Variants in SNTB1 observed in about 807,000 individuals in gnomAD.
SNTB1 encodes the protein beta-1-syntrophin.
A neutral mutation model predicts 48.9 loss-of-function variants in SNTB1; 36 were observed. The ratio of observed to expected loss-of-function variants is 0.74; its 90% CI spans 0.56 to 0.97. The LOEUF is 0.97. Ranked by LOEUF, SNTB1 falls within the 50% of genes least tolerant of loss-of-function variation. The probability of loss-of-function intolerance (pLI) is 0.00; values close to 1 mark genes in which losing one functional copy is unlikely to be tolerated. For missense variants in SNTB1, 786 were observed against 703.4 expected, an observed-to-expected ratio of 1.12 and a Z score of -1.33; for synonymous variants, 299 against 294.6, an observed-to-expected ratio of 1.01 and a Z score of -0.15.
At chr8:120,708,112 A>C (rs2129909907) in intron 1 of SNTB1, among the ~76,000 whole-genome samples, 1 of 151,892 alleles carries the variant, frequency 6.6e-6, no homozygotes, top group Admixed American at 6.5e-5. Flanking sequence ...ATATATTAAA[A>C]TAATAAATAA....
chr8:120,586,744 C>T (rs1438470257), intron 3 of SNTB1, among the ~76,000 whole-genome samples: 2 of 151,936 alleles, frequency 1.3e-5, no homozygotes, highest in Non-Finnish European at 2.9e-5. Flanking sequence ...CAGTTGGCAA[C>T]GAGTTTAAGT....
At chr8:120,606,680 G>T (rs2130725741) in intron 3 of SNTB1, among the ~76,000 whole-genome samples, 1 of 152,252 alleles carries the variant, frequency 6.6e-6, no homozygotes, top group Non-Finnish European at 1.5e-5. Flanking sequence ...TGAGCAAGTT[G>T]GTTTTGGTCT....
At chr8:120,553,740 T>C (rs1362071186) in intron 4 of SNTB1, among the ~76,000 whole-genome samples, 2 of 152,234 alleles carry the variant, frequency 1.3e-5, no homozygotes, top group African/African-American at 2.4e-5. Context: ...GGCTGAAGCA[T>C]GTAATCTCAG....
intron 2 of SNTB1, among the ~76,000 whole-genome samples, chr8:120,671,264 T>A (rs1817753261): frequency 6.6e-6 from 1 of 152,212 alleles, no homozygotes; most frequent in South Asian, 2.1e-4. Flanking sequence ...TAGTGTCCTC[T>A]CAAAGTTCAT....
intron 1 of SNTB1, among the ~76,000 whole-genome samples, chr8:120,771,288 T>A (rs1665245683): frequency 6.6e-6 from 1 of 152,216 alleles, no homozygotes; most frequent in South Asian, 2.1e-4. Context: ...ATTTATAAAA[T>A]GGAAGAAAAT....
intron 1 of SNTB1, among the ~76,000 whole-genome samples, chr8:120,755,048 TG>T (rs1381646518): frequency 2.6e-5 from 4 of 152,130 alleles, no homozygotes; most frequent in African/African-American, 9.7e-5. Context: ...TTGGTTCTCA[TG>T]TCACCCAGTG....
intron 4 of SNTB1, among the ~76,000 whole-genome samples, chr8:120,554,446 T>C (rs1815532082): frequency 6.6e-6 from 1 of 152,172 alleles, no homozygotes; most frequent in East Asian, 1.9e-4. Flanking sequence ...GAGCGCTGAC[T>C]GAAAGCGCTC....
chr8:120,682,589 T>C (rs1404830229), intron 2 of SNTB1, among the ~76,000 whole-genome samples: 6 of 152,232 alleles, frequency 3.9e-5, no homozygotes, highest in Non-Finnish European at 5.9e-5. Context: ...GTGCCCACAC[T>C]GTTGAATCTA....
chr8:120,599,377 CA>C (rs1328098762), intron 3 of SNTB1, among the ~76,000 whole-genome samples: 1 of 152,232 alleles, frequency 6.6e-6, no homozygotes, highest in Non-Finnish European at 1.5e-5. Context: ...GTGAGGTTGA[CA>C]AAATGACCTT....
chr8:120,576,624 A>G (rs1196747048), intron 3 of SNTB1, among the ~76,000 whole-genome samples: 3 of 152,216 alleles, frequency 2.0e-5, no homozygotes, highest in Non-Finnish European at 4.4e-5. Context: ...GATAAGGATA[A>G]TATCATATAC....
intron 1 of SNTB1, among the ~76,000 whole-genome samples, chr8:120,730,611 A>ATT (rs1272627048): frequency 6.6e-6 from 1 of 152,208 alleles, no homozygotes; most frequent in Non-Finnish European, 1.5e-5. Context: ...CTTCAAAATG[A>ATT]TTTAAACATA....
At chr8:120,658,313 C>A (rs1376483750) in intron 2 of SNTB1, among the ~76,000 whole-genome samples, 1 of 151,948 alleles carries the variant, frequency 6.6e-6, no homozygotes, top group Non-Finnish European at 1.5e-5. Flanking sequence ...CTGGATGGGA[C>A]AGGAAGGATT....
chr8:120,736,215 T>A (rs1364004971), intron 1 of SNTB1, among the ~76,000 whole-genome samples: 3 of 152,134 alleles, frequency 2.0e-5, no homozygotes, highest in African/African-American at 7.2e-5. Context: ...CAATTACCCC[T>A]ACCTTGCCTC....
intron 3 of SNTB1, among the ~76,000 whole-genome samples, chr8:120,608,575 T>C (rs1226200298): frequency 6.6e-6 from 1 of 152,180 alleles, no homozygotes; most frequent in African/African-American, 2.4e-5. Flanking sequence ...GCTGGCACCT[T>C]GATCTCAGAC....
intron 1 of SNTB1, among the ~76,000 whole-genome samples, chr8:120,806,653 G>C (rs571905155): frequency 6.6e-6 from 1 of 152,216 alleles, no homozygotes; most frequent in Admixed American, 6.5e-5. Flanking sequence ...ATTTAAGACA[G>C]AATAAGGTTA....
intron 1 of SNTB1, among the ~76,000 whole-genome samples, chr8:120,757,217 G>A (rs952588295): frequency 3.4e-5 from 5 of 145,558 alleles, no homozygotes; most frequent in African/African-American, 8.6e-5. Context: ...CAGATCTATC[G>A]GGTTTCCCAA....
chr8:120,569,715 T>C (rs183840777), intron 4 of SNTB1, among the ~76,000 whole-genome samples: 1 of 152,330 alleles, frequency 6.6e-6, no homozygotes, highest in East Asian at 1.9e-4. Context: ...TTGGTGGTGA[T>C]GGGGATGTTC....
chr8:120,809,449 TTC>T (rs1352051169), intron 1 of SNTB1, among the ~76,000 whole-genome samples: 2 of 152,218 alleles, frequency 1.3e-5, no homozygotes, highest in African/African-American at 4.8e-5. Flanking sequence ...TTGATTTTTT[TTC>T]TTTCTCTAAG....
At chr8:120,802,326 G>C in intron 1 of SNTB1, among the ~76,000 whole-genome samples, 1 of 152,106 alleles carries the variant, frequency 6.6e-6, no homozygotes, top group Admixed American at 6.5e-5. Flanking sequence ...TTTCAAAGAA[G>C]TTTGAAGTTT....
Sources: allele counts gnomAD v4.1 joint callset (sites outside exome capture counted in the v4.1 genomes callset), GRCh38; gene constraint gnomAD v4.1.1; transcripts MANE v1.5; gene names NCBI Gene and HGNC (gene_info 2026-07-23, HGNC 2026-07-21).